Variants in FHAD1 observed in about 807,000 individuals in gnomAD.
The protein encoded by FHAD1 is forkhead associated phosphopeptide binding domain 1, also known as forkhead-associated domain-containing protein 1.
A neutral mutation model predicts 191.3 loss-of-function variants in FHAD1; 146 were observed. The ratio of observed to expected loss-of-function variants is 0.76; its 90% CI spans 0.67 to 0.88. FHAD1 has a LOEUF of 0.88. Ranked by LOEUF, FHAD1 falls within the 40% of genes least tolerant of loss-of-function variation. FHAD1 has a pLI of 0.00. For missense variants in FHAD1, 1,635 were observed against 1,785.8 expected, an observed-to-expected ratio of 0.92 and a Z score of 1.52; for synonymous variants, 616 against 672.3, an observed-to-expected ratio of 0.92 and a Z score of 1.29.
At chr1:15,366,899 A>G (rs1696647906) in intron 24 of FHAD1, among the ~76,000 whole-genome samples, 1 of 152,238 alleles carries the variant, frequency 6.6e-6, no homozygotes, top group African/African-American at 2.4e-5. Context: ...GCCAAAGGGC[A>G]TAAACAGGCA....
intron 18 of FHAD1, 85 bp from the exon 19 acceptor site, chr1:15,348,957 T>G: frequency 2.8e-6 from 2 of 712,564 alleles, no homozygotes; most frequent in Non-Finnish European, 4.5e-6. Context: ...ATTGTTACTA[T>G]TATTATTATT....
chr1:15,303,115 G>A (rs758563951), intron 6 of FHAD1, among the ~76,000 whole-genome samples: 1 of 152,142 alleles, frequency 6.6e-6, no homozygotes, highest in Non-Finnish European at 1.5e-5. Context: ...CTGGGAATTC[G>A]GCAGAGAACA....
At chr1:15,248,392 G>A (rs764983513) in intron 1 of FHAD1, among the ~76,000 whole-genome samples, 2 of 135,004 alleles carry the variant, frequency 1.5e-5, no homozygotes, top group African/African-American at 2.5e-5. Context: ...AGCAGGCACT[G>A]TGAGCTCATG....
chr1:15,266,660 A>T (rs1653660663), intron 2 of FHAD1, among the ~76,000 whole-genome samples: 2 of 152,304 alleles, frequency 1.3e-5, no homozygotes, highest in East Asian at 3.9e-4. Context: ...GGGTTTTGAC[A>T]TAGGCATAAT....
chr1:15,275,135 T>A (rs1456330415), intron 3 of FHAD1, among the ~76,000 whole-genome samples: 2 of 152,050 alleles, frequency 1.3e-5, no homozygotes, highest in Non-Finnish European at 2.9e-5. Context: ...GCTAATTTTT[T>A]GTATTTTTAG....
chr1:15,357,396 A>G (rs919134282), intron 20 of FHAD1, among the ~76,000 whole-genome samples: 8 of 152,094 alleles, frequency 5.3e-5, no homozygotes, highest in Non-Finnish European at 1.0e-4. Context: ...AGGCCGAGGC[A>G]GGCGGATCAC....
At chr1:15,280,458 A>T (rs918462184) in intron 3 of FHAD1, among the ~76,000 whole-genome samples, 1 of 152,136 alleles carries the variant, frequency 6.6e-6, no homozygotes, top group Non-Finnish European at 1.5e-5. Flanking sequence ...GCAAAAACAC[A>T]GAAGGACTCC....
rs948035933 is a variant in FHAD1, at chr1:15,397,685, A to G, written c.*272A>G. On this transcript the variant is annotated 3_prime_UTR_variant, in exon 34 of 34. Coordinates refer to ENST00000688493, the MANE Select transcript of FHAD1 (RefSeq NM_001391957.1). ...CAGATGTCCAGGCCTGGTAGATATA[A>G]TTATGTGGTCCACGTTGGGTCATGA... 3.4e-5 allele frequency: 8 copies of G among 236,490 alleles called. No individual in the cohort carries two copies. Among genetic ancestry groups the G allele is most frequent in the Non-Finnish European group, 6.5e-5 (8 of 123,782 alleles). 14.6% of individuals were successfully genotyped at this position (236,490 alleles called of 1,614,324 possible).
At chr1:15,278,520 C>T (rs1446451685) in intron 3 of FHAD1, among the ~76,000 whole-genome samples, 1 of 133,314 alleles carries the variant, frequency 7.5e-6, no homozygotes. Flanking sequence ...GTTGCTTAGG[C>T]TGGAGTGCAG....
rs776101131 is a variant in FHAD1, at chr1:15,329,457, G to A, written c.1822G>A (p.Val608Ile). Residue 608 changes from valine to isoleucine, a missense_variant, in exon 14 of 34, where the codon GTC (valine) becomes ATC (isoleucine). Val to Ile is a conservative substitution (Grantham distance 29). Transcript: ENST00000688493. The surrounding 1 kb of genome is among the most constrained non-coding windows in gnomAD (Gnocchi z 5.0). ...GGGGCTCCAGAAGGTGGTGCTGGAC[G>A]TCCTGAGGCACGCGCTGTCCTGGCT... ...VSGLQKVVLDVLRHALSWLEE... is the reference protein window; with the variant it reads ...VSGLQKVVLDILRHALSWLEE... The A allele has an allele frequency of 6.9e-5, 107 of 1,551,194 alleles. No homozygotes were observed. Among genetic ancestry groups the A allele is most frequent in the African/African-American group, 1.2e-4 (9 of 73,036 alleles).
intron 12 of FHAD1, chr1:15,328,025 C>T (rs1679510527): frequency 4.9e-6 from 1 of 202,770 alleles, no homozygotes; most frequent in African/African-American, 2.4e-5. Context: ...AAGAGTGAAA[C>T]TCCGTCGCAA....
chr1:15,239,718 A>C (rs1645147003), intron 1 of FHAD1, among the ~76,000 whole-genome samples: 1 of 152,254 alleles, frequency 6.6e-6, no homozygotes, highest in Non-Finnish European at 1.5e-5. Flanking sequence ...ACATGGGGCC[A>C]GGTTTAGGAC....
intron 17 of FHAD1, 32 bp from the exon 18 acceptor site, chr1:15,345,384 C>T (rs1569874763): frequency 2.6e-6 from 4 of 1,538,690 alleles, no homozygotes; most frequent in Non-Finnish European, 3.5e-6. Flanking sequence ...CCCATGGTAA[C>T]CATGTCTATT....
chr1:15,279,554 C>CA (rs57662759), intron 3 of FHAD1, among the ~76,000 whole-genome samples: 21,258 of 96,700 alleles, frequency 0.22, 2,641 homozygotes, highest in East Asian at 0.53. Context: ...CCTTAAAACT[C>CA]AAAAAAAAAA....
intron 5 of FHAD1, among the ~76,000 whole-genome samples, chr1:15,300,733 A>G (rs1391417137): frequency 6.6e-6 from 1 of 152,200 alleles, no homozygotes; most frequent in Non-Finnish European, 1.5e-5. Context: ...CATTTTAACC[A>G]AACTCTTGTC....
chr1:15,378,779 C>T (rs927851206), intron 28 of FHAD1, among the ~76,000 whole-genome samples: 4 of 151,762 alleles, frequency 2.6e-5, no homozygotes, highest in African/African-American at 9.7e-5. Context: ...TTTTTAATCT[C>T]CCAGGTTTAC....
chr1:15,296,667 C>T lies in FHAD1; in HGVS notation c.569-17C>T. ...CTCATGATGTCTTTTGTGCTCTCTG[C>T]TGATCTCACGCCTTAGTGTGGACCA... On this transcript the variant is annotated splice_polypyrimidine_tract_variant and intron_variant, in intron 4 of 33. Coordinates refer to ENST00000688493, the MANE Select transcript of FHAD1 (RefSeq NM_001391957.1). The T allele has an allele frequency of 6.5e-7, 1 of 1,547,930 alleles. No homozygotes were observed.
chr1:15,248,120 C>A (rs535527373), intron 1 of FHAD1, among the ~76,000 whole-genome samples: 1 of 151,286 alleles, frequency 6.6e-6, no homozygotes, highest in South Asian at 2.1e-4. Context: ...TAGTTACTGT[C>A]AGAGGTTCTT....
chr1:15,275,115 A>T (rs1657774786), intron 3 of FHAD1, among the ~76,000 whole-genome samples: 1 of 151,998 alleles, frequency 6.6e-6, no homozygotes, highest in South Asian at 2.1e-4. Flanking sequence ...GGTGCCCACC[A>T]CCATGCCTGG....
Sources: gnomAD v4.1 joint callset for allele counts (sites outside exome capture counted in the v4.1 genomes callset) on GRCh38, gnomAD v4.1.1 for gene constraint, Gnocchi (gnomAD v3.1) non-coding constraint, MANE v1.5 for transcripts, NCBI Gene and HGNC (gene_info 2026-07-23, HGNC 2026-07-21) for gene names.